Variants in MTUS2 observed in about 807,000 individuals in gnomAD.
MTUS2 encodes microtubule associated scaffold protein 2.
Under a neutral mutation model 114.1 loss-of-function variants are expected in MTUS2, and 40 were observed. The observed-to-expected ratio is 0.35, with a 90% CI of 0.27 to 0.46. The LOEUF (loss-of-function observed/expected upper bound fraction) is 0.46, where lower values mean the gene tolerates loss of function less well. MTUS2 is among the 20% of genes least tolerant of loss of function. MTUS2 has a pLI of 1.00. For missense variants in MTUS2, 1,679 were observed against 1,705.4 expected, an observed-to-expected ratio of 0.98 and a Z score of 0.27; for synonymous variants, 688 against 672.0, an observed-to-expected ratio of 1.02 and a Z score of -0.37.
In MTUS2 at chr13:29,505,407, C is replaced by A; in HGVS notation, c.*2201C>A. On this transcript the variant is annotated 3_prime_UTR_variant, in exon 16 of 16. Coordinates refer to ENST00000612955, the MANE Select transcript of MTUS2 (RefSeq NM_001033602.4). The stretch of plus-strand genomic sequence containing the variant: ...CGGTGAGAGCTTTGCCCTAACCTGC[C>A]CTGACCTTGGGTACTTGAGCTAATT... 8.6e-6 allele frequency: 2 copies of A among 231,800 alleles called. No individual in the cohort carries two copies. Among genetic ancestry groups the A allele is most frequent in the Non-Finnish European group, 1.7e-5 (2 of 117,112 alleles). 14.4% of individuals were successfully genotyped at this position (231,800 alleles called of 1,614,324 possible).
Position 29,503,160 on chromosome 13 carries a change from C to A in MTUS2, c.4064C>A (p.Ser1355Tyr). Reference protein sequence around the residue: ...SPTSPVYRGSSSGPSSPARVS... With the variant: ...SPTSPVYRGSYSGPSSPARVS... The stretch of plus-strand genomic sequence containing the variant: ...ACATCTCCCGTTTACCGCGGCTCCT[C>A]CTCGGGGCCCTCCTCTCCGGCCAGA... The change falls in exon 16 of 16, where the codon TCC becomes TAC. Residue 1355 changes from serine (S) to tyrosine (Y), a missense_variant. Coordinates refer to ENST00000612955, the MANE Select transcript of MTUS2 (RefSeq NM_001033602.4). 17 of 1,614,206 alleles carry A rather than the reference C, an allele frequency of 1.1e-5. No homozygotes were observed. The highest frequency in any genetic ancestry group is 1.4e-5 in the Non-Finnish European group (16 of 1,180,044).
intron 5 of MTUS2, among the ~76,000 whole-genome samples, chr13:29,194,846 A>G (rs1233446764): frequency 2.6e-5 from 4 of 151,918 alleles, no homozygotes; most frequent in African/African-American, 9.7e-5. Context: ...GAACCAACCC[A>G]AATGTCCAAC....
chr13:28,995,655 T>C (rs1421367704), intron 2 of MTUS2, among the ~76,000 whole-genome samples: 2 of 152,190 alleles, frequency 1.3e-5, no homozygotes, highest in Admixed American at 6.5e-5. Context: ...TTATTCTCTT[T>C]GAAGCAATTG....
chr13:29,082,704 G>A (rs1458597855), intron 4 of MTUS2, among the ~76,000 whole-genome samples: 4 of 152,166 alleles, frequency 2.6e-5, no homozygotes, highest in Non-Finnish European at 5.9e-5. Flanking sequence ...GGAGACCTGG[G>A]TATGGAGGGT....
chr13:29,186,833 A>G (rs1894246031), intron 5 of MTUS2, among the ~76,000 whole-genome samples: 2 of 152,226 alleles, frequency 1.3e-5, no homozygotes, highest in Non-Finnish European at 1.5e-5. Flanking sequence ...TCTCAAGTGC[A>G]CATGGAATAT....
chr13:28,912,705 G>C (rs1880512350), intron 2 of MTUS2, among the ~76,000 whole-genome samples: 1 of 151,842 alleles, frequency 6.6e-6, no homozygotes, highest in African/African-American at 2.4e-5. Flanking sequence ...GTGGTTTGTT[G>C]TTCTTCTTAA....
intron 5 of MTUS2, among the ~76,000 whole-genome samples, chr13:29,218,160 A>C (rs991648175): frequency 2.0e-5 from 3 of 152,050 alleles, no homozygotes; most frequent in Non-Finnish European, 2.9e-5. Flanking sequence ...CAAAAAAAAA[A>C]CACCTAAAAA....
At chr13:29,323,541 C>T (rs924728813) in intron 6 of MTUS2, among the ~76,000 whole-genome samples, 3 of 152,146 alleles carry the variant, frequency 2.0e-5, no homozygotes, top group Non-Finnish European at 2.9e-5. Context: ...TGAGCCACCA[C>T]GCCCAGCCTG....
chr13:29,122,382 T>C (rs1417864232), intron 5 of MTUS2, among the ~76,000 whole-genome samples: 2 of 152,152 alleles, frequency 1.3e-5, no homozygotes, highest in African/African-American at 4.8e-5. Flanking sequence ...CTTACAATTA[T>C]AGCGGAAGGG....
chr13:28,896,310 A>G (rs1228488105), intron 2 of MTUS2, among the ~76,000 whole-genome samples: 1 of 152,200 alleles, frequency 6.6e-6, no homozygotes, highest in Non-Finnish European at 1.5e-5. Flanking sequence ...AATTGCTTCA[A>G]AGAGAATAAA....
At chr13:29,042,694 G>A (rs544685668) in intron 4 of MTUS2, among the ~76,000 whole-genome samples, 1 of 152,152 alleles carries the variant, frequency 6.6e-6, no homozygotes, top group East Asian at 1.9e-4. Flanking sequence ...TTTAATCTAG[G>A]AATGTTGTAT....
At position 29,383,244 on chromosome 13, in the gene MTUS2, G is replaced by GTATATATATATATATTTATT. The variant is rs1295576309; in HGVS notation, c.3117+23772_3117+23773insATATATATATATATTTATTT. Among the ~76,000 whole-genome samples, 82 of 53,528 alleles carry GTATATATATATATATTTATT rather than the reference G, an allele frequency of 1.5e-3. No individual in the cohort carries two copies. The East Asian group carries it at 0.021, about 14-fold the overall frequency. The allele number at this position is 53,528 out of a possible 152,430, so 35.1% of individuals were successfully genotyped here. ...TGTGTGTGTGTGTGTGTGTGTGTGTGTGTGTGTGTATTTATTTTTCTCATG... is the reference window on the plus strand; with the variant it reads ...TGTGTGTGTGTGTGTGTGTGTGTGTGTATATATATATATATTTATTTGTGTGTGTATTTATTTTTCTCATG... On this transcript the variant is annotated intron_variant, in intron 8 of 15. Transcript: ENST00000612955.
At chr13:29,232,713 A>T (rs1896383137) in intron 5 of MTUS2, among the ~76,000 whole-genome samples, 1 of 151,950 alleles carries the variant, frequency 6.6e-6, no homozygotes, top group Admixed American at 6.6e-5. Context: ...GAGAAGGGGG[A>T]GTTAGTACTG....
At chr13:29,419,782 C>T (rs74042057) in intron 8 of MTUS2, among the ~76,000 whole-genome samples, 1,780 of 152,286 alleles carry the variant, frequency 0.012, 33 homozygotes, top group African/African-American at 0.04. Flanking sequence ...ATTTAGGCAA[C>T]ACTTGAGCTG....
rs1420998116 is a variant in MTUS2 at position 29,496,771 on chromosome 13, G to C, written c.3580-467G>C. On this transcript the variant is annotated intron_variant, in intron 12 of 15. Transcript: ENST00000612955. This position sits in a 1 kb window ranked among gnomAD's most constrained non-coding sequence, Gnocchi z 4.3. ...TATGGACTTGGTGATTAGAAGGTTTGTTGATGTGGGAGGGGTCCCAAGGGA... is the reference window on the plus strand; with the variant it reads ...TATGGACTTGGTGATTAGAAGGTTTCTTGATGTGGGAGGGGTCCCAAGGGA... Among the ~76,000 whole-genome samples the C allele has an allele frequency of 6.6e-6, 1 of 152,124 alleles. No homozygotes were observed. Among genetic ancestry groups the C allele is most frequent in the Non-Finnish European group, 1.5e-5 (1 of 68,026 alleles).
Position 29,017,382 on chromosome 13 carries a change from G to A in MTUS2, c.-242-7075G>A, listed in dbSNP as rs182718368. ...GATGAACTTGCATTTACATTCAGAG[G>A]CATGGTGGTTGAATGTACATATGAA... On this transcript the variant is annotated intron_variant, in intron 2 of 15. Coordinates refer to ENST00000612955, the MANE Select transcript of MTUS2 (RefSeq NM_001033602.4). Among the ~76,000 whole-genome samples the A allele has an allele frequency of 1.1e-3, 168 of 152,222 alleles. 1 individual carries two copies. The highest frequency in any genetic ancestry group is 3.6e-3 in the African/African-American group (151 of 41,526).
intron 8 of MTUS2, among the ~76,000 whole-genome samples, chr13:29,370,940 A>G (rs1016123626): frequency 2.0e-5 from 3 of 152,246 alleles, no homozygotes; most frequent in African/African-American, 7.2e-5. Context: ...AGAGGGACAC[A>G]TAATGATAAA....
At position 29,253,756 on chromosome 13, in the gene MTUS2, G is replaced by T. The variant is rs1897205268; in HGVS notation, c.2645-27948G>T. Among the ~76,000 whole-genome samples, 3 of 152,208 alleles carry T rather than the reference G, an allele frequency of 2.0e-5. No individual in the cohort carries two copies. The South Asian group carries it at 6.2e-4, about 32-fold the overall frequency. On this transcript the variant is annotated intron_variant, in intron 5 of 15. Transcript: ENST00000612955. The stretch of plus-strand genomic sequence containing the variant: ...GTTTAATGGACTCACAGTTCCACAT[G>T]TCTGGAGAGGCGTCACAATCATGAT...
At chr13:28,930,525 G>T (rs1355003854) in intron 2 of MTUS2, among the ~76,000 whole-genome samples, 1 of 152,158 alleles carries the variant, frequency 6.6e-6, no homozygotes, top group Non-Finnish European at 1.5e-5. Context: ...CCTCTCTTTT[G>T]GTGTGAATAG....
Sources: gnomAD v4.1 joint callset for allele counts (sites outside exome capture counted in the v4.1 genomes callset) on GRCh38, gnomAD v4.1.1 for gene constraint, Gnocchi (gnomAD v3.1) non-coding constraint, MANE v1.5 for transcripts, NCBI Gene and HGNC (gene_info 2026-07-23, HGNC 2026-07-21) for gene names.